Variants in CEMIP observed in about 807,000 individuals in gnomAD.
CEMIP encodes cell migration-inducing and hyaluronan-binding protein.
A neutral mutation model predicts 156.9 loss-of-function variants in CEMIP; 105 were observed. The observed-to-expected ratio is 0.67, with a 90% CI of 0.57 to 0.79. CEMIP has a LOEUF of 0.79. Among genes scored for constraint, CEMIP ranks in the 30% least tolerant of loss-of-function variants. The pLI is 0.00. For missense variants in CEMIP, 1,457 were observed against 1,769.4 expected (o/e 0.82, Z 3.17); for synonymous variants, 676 against 668.4 (o/e 1.01, Z -0.17).
chr15:80,946,380 G>C (rs887212924), intron 28 of CEMIP: 2 of 154,828 alleles, frequency 1.3e-5, no homozygotes, highest in African/African-American at 4.8e-5. Flanking sequence ...GTCTGCAATG[G>C]AGGAATTCTG....
chr15:80,855,026 CAAATTAAAAAATT>C (rs1897815436), intron 1 of CEMIP, among the ~76,000 whole-genome samples: 1 of 151,978 alleles, frequency 6.6e-6, no homozygotes, highest in Non-Finnish European at 1.5e-5. Flanking sequence ...TGAGAATAAA[CAAATTAAAAAATT>C]AGCTCGGCAT....
chr15:80,847,725 G>A (rs1897598264), intron 1 of CEMIP, among the ~76,000 whole-genome samples: 1 of 152,216 alleles, frequency 6.6e-6, no homozygotes, highest in African/African-American at 2.4e-5. Context: ...GGCTGATGCT[G>A]GGACCATCTT....
intron 1 of CEMIP, among the ~76,000 whole-genome samples, chr15:80,866,811 A>G (rs1898142413): frequency 6.7e-6 from 1 of 150,076 alleles, no homozygotes; most frequent in African/African-American, 2.4e-5. Flanking sequence ...GACTCTATGG[A>G]TACATAAAAG....
chr15:80,872,813 T>TAATAA (rs970726478), intron 1 of CEMIP, among the ~76,000 whole-genome samples: 60 of 152,270 alleles, frequency 3.9e-4, no homozygotes, highest in African/African-American at 1.2e-3. Context: ...GACTCTGTCT[T>TAATAA]AATAAAATAA....
chr15:80,894,957 G>C, intron 10 of CEMIP, 33 bp from the exon 11 acceptor site: 1 of 1,610,568 alleles, frequency 6.2e-7, no homozygotes, highest in East Asian at 2.2e-5. Context: ...AAAAAAAAAC[G>C]ACTTTGCTCT....
intron 1 of CEMIP, among the ~76,000 whole-genome samples, chr15:80,866,343 A>T (rs1325264969): frequency 6.6e-6 from 1 of 152,058 alleles, no homozygotes; most frequent in Non-Finnish European, 1.5e-5. Context: ...TAATCCCAGC[A>T]CTTTGGGAGG....
intron 28 of CEMIP, among the ~76,000 whole-genome samples, chr15:80,943,761 G>A (rs1027256139): frequency 5.3e-5 from 8 of 152,086 alleles, no homozygotes; most frequent in Non-Finnish European, 1.2e-4. Flanking sequence ...CTCTGCCCCG[G>A]CCTTTGCTGT....
At chr15:80,783,667 A>T (rs1450030174) in intron 1 of CEMIP, among the ~76,000 whole-genome samples, 1 of 152,158 alleles carries the variant, frequency 6.6e-6, no homozygotes, top group African/African-American at 2.4e-5. Flanking sequence ...TAGGATGGTG[A>T]CTGTCATGGT....
At chr15:80,919,465 T>G (rs1900392198) in intron 14 of CEMIP, among the ~76,000 whole-genome samples, 1 of 152,138 alleles carries the variant, frequency 6.6e-6, no homozygotes, top group African/African-American at 2.4e-5. Context: ...CCCCCTTTCC[T>G]ACCCTATAGA....
intron 1 of CEMIP, among the ~76,000 whole-genome samples, chr15:80,851,603 A>C (rs1304495507): frequency 6.6e-6 from 1 of 152,186 alleles, no homozygotes; most frequent in East Asian, 1.9e-4. Flanking sequence ...CTTGATGGGT[A>C]GTAGATTTCC....
chr15:80,886,300 G>A (rs1262136595), intron 7 of CEMIP, among the ~76,000 whole-genome samples: 2 of 152,122 alleles, frequency 1.3e-5, no homozygotes, highest in African/African-American at 4.8e-5. Context: ...GGCAAGGGGT[G>A]AGAGGTGAGG....
At chr15:80,821,967 C>T (rs1399210663) in intron 1 of CEMIP, among the ~76,000 whole-genome samples, 1 of 152,228 alleles carries the variant, frequency 6.6e-6, no homozygotes, top group African/African-American at 2.4e-5. Context: ...AAGAGTGACA[C>T]AGCTGGTTTT....
At chr15:80,845,422 C>A (rs899949965) in intron 1 of CEMIP, among the ~76,000 whole-genome samples, 1 of 152,040 alleles carries the variant, frequency 6.6e-6, no homozygotes, top group Non-Finnish European at 1.5e-5. Flanking sequence ...CAAAGTGAGA[C>A]CCTATTTCAA....
At chr15:80,873,036 G>C (rs1048919704) in intron 1 of CEMIP, among the ~76,000 whole-genome samples, 6 of 152,242 alleles carry the variant, frequency 3.9e-5, no homozygotes, top group African/African-American at 9.6e-5. Flanking sequence ...GAAGGAGAAG[G>C]GAGAGAAGAA....
intron 1 of CEMIP, among the ~76,000 whole-genome samples, chr15:80,867,375 G>C (rs1053285442): frequency 6.6e-6 from 1 of 152,260 alleles, no homozygotes; most frequent in Non-Finnish European, 1.5e-5. Flanking sequence ...TTCTGGAAGA[G>C]AGACCAGGCT....
chr15:80,920,729 G>C (rs1173450657), intron 15 of CEMIP, among the ~76,000 whole-genome samples: 6 of 152,222 alleles, frequency 3.9e-5, no homozygotes, highest in Non-Finnish European at 8.8e-5. Flanking sequence ...CCCTTAGAAA[G>C]GGCTACTTTC....
At chr15:80,859,358 G>T (rs1897929738) in intron 1 of CEMIP, among the ~76,000 whole-genome samples, 1 of 152,222 alleles carries the variant, frequency 6.6e-6, no homozygotes, top group African/African-American at 2.4e-5. Context: ...CAATCATTAA[G>T]GCTGGTTCCA....
chr15:80,858,482 G>A (rs1435713368), intron 1 of CEMIP, among the ~76,000 whole-genome samples: 2 of 152,004 alleles, frequency 1.3e-5, no homozygotes, highest in South Asian at 4.1e-4. Flanking sequence ...GGGAGGCCAA[G>A]GCGGATGGAT....
At chr15:80,889,285 C>T (rs1274127932) in intron 9 of CEMIP, among the ~76,000 whole-genome samples, 186 bp from the exon 10 acceptor site, 1 of 152,212 alleles carries the variant, frequency 6.6e-6, no homozygotes, top group African/African-American at 2.4e-5. Context: ...AAGAGAAACT[C>T]ATTTTTTAAT....
Sources: allele counts gnomAD v4.1 joint callset (sites outside exome capture counted in the v4.1 genomes callset), GRCh38; gene constraint gnomAD v4.1.1; transcripts MANE v1.5; gene names NCBI Gene and HGNC (gene_info 2026-07-23, HGNC 2026-07-21).